The following PTPRD variants were observed in gnomAD, a reference collection of about 807,000 sequenced individuals.
PTPRD encodes protein tyrosine phosphatase receptor type D, also known as receptor-type tyrosine-protein phosphatase delta.
PTPRD carries 34 observed loss-of-function variants against 214.5 expected under a neutral mutation model. The observed-to-expected ratio is 0.16, with a 90% CI of 0.12 to 0.21. The LOEUF (loss-of-function observed/expected upper bound fraction) is 0.21. Ranked by LOEUF, PTPRD falls within the 10% of genes least tolerant of loss-of-function variation. PTPRD has a pLI of 1.00. For synonymous variants in PTPRD, 1,128 were observed against 845.7 expected (o/e 1.33, Z -5.79); for missense variants, 2,545 against 2,398.7 (o/e 1.06, Z -1.27).
At chr9:9,926,778 A>G (rs2084471696) in intron 5 of PTPRD, among the ~76,000 whole-genome samples, 1 of 152,198 alleles carries the variant, frequency 6.6e-6, no homozygotes, top group Non-Finnish European at 1.5e-5. Flanking sequence ...TCAAAGGTAT[A>G]GTTTACCCAT....
intron 9 of PTPRD, among the ~76,000 whole-genome samples, chr9:9,346,234 TAGAAA>T: frequency 6.6e-6 from 1 of 152,192 alleles, no homozygotes; most frequent in South Asian, 2.1e-4. Context: ...ACATTTATCA[TAGAAA>T]AAAGATTCTT....
At chr9:10,597,633 C>T (rs2076920359) in intron 2 of PTPRD, among the ~76,000 whole-genome samples, 1 of 151,738 alleles carries the variant, frequency 6.6e-6, no homozygotes, top group African/African-American at 2.4e-5. Context: ...ACTTCAACAG[C>T]AGGTTCTATA....
chr9:9,471,144 T>C (rs74580969), intron 8 of PTPRD, among the ~76,000 whole-genome samples: 1,843 of 152,324 alleles, frequency 0.012, 28 homozygotes, highest in African/African-American at 0.042. Flanking sequence ...CTTGGTCCTA[T>C]AGTTGCAAAA....
At chr9:8,425,129 A>C (rs538063171) in intron 35 of PTPRD, among the ~76,000 whole-genome samples, 8 of 152,308 alleles carry the variant, frequency 5.3e-5, no homozygotes, top group African/African-American at 1.7e-4. Flanking sequence ...CCATTTTATA[A>C]TTTTACAATT....
chr9:9,066,601 G>C (rs887616210), intron 10 of PTPRD, among the ~76,000 whole-genome samples: 1 of 152,106 alleles, frequency 6.6e-6, no homozygotes, highest in African/African-American at 2.4e-5. Flanking sequence ...GAACTTGAGA[G>C]GGGGGAGATT....
chr9:9,539,128 T>A (rs2077073141), intron 8 of PTPRD, among the ~76,000 whole-genome samples: 1 of 151,756 alleles, frequency 6.6e-6, no homozygotes, highest in South Asian at 2.1e-4. Context: ...ATAATAGCAA[T>A]GGGTAAAGAA....
intron 5 of PTPRD, among the ~76,000 whole-genome samples, chr9:9,897,547 A>G (rs957573647): frequency 6.6e-6 from 1 of 151,994 alleles, no homozygotes; most frequent in Non-Finnish European, 1.5e-5. Context: ...AATATCTGTA[A>G]CTTATTTTAA....
chr9:9,875,782 A>C (rs1379856286), intron 5 of PTPRD, among the ~76,000 whole-genome samples: 4 of 152,180 alleles, frequency 2.6e-5, no homozygotes, highest in Non-Finnish European at 5.9e-5. Context: ...ACAAAATAAC[A>C]ATCCACAACA....
At chr9:10,364,001 T>G (rs1466066535) in intron 2 of PTPRD, among the ~76,000 whole-genome samples, 4 of 123,308 alleles carry the variant, frequency 3.2e-5, no homozygotes, top group Non-Finnish European at 6.8e-5. Flanking sequence ...GTTTTTTTTT[T>G]TTTTTTTTTT....
chr9:8,746,703 T>C (rs2092851403), intron 11 of PTPRD, among the ~76,000 whole-genome samples: 2 of 152,250 alleles, frequency 1.3e-5, no homozygotes, highest in African/African-American at 2.4e-5. Flanking sequence ...CGATCAAACT[T>C]CTCTGCTGGG....
intron 11 of PTPRD, among the ~76,000 whole-genome samples, chr9:8,967,695 G>C (rs1240469570): frequency 6.6e-6 from 1 of 152,040 alleles, no homozygotes; most frequent in Non-Finnish European, 1.5e-5. Context: ...AATTCTTACT[G>C]AAATATACGT....
At position 9,371,648 on chromosome 9, in the gene PTPRD, C is replaced by T. The variant is rs1328670136; in HGVS notation, c.-203+25801G>A. 2.0e-5 allele frequency among the ~76,000 whole-genome samples: 3 copies of T among 152,254 alleles called. No homozygotes were observed. In the East Asian group the frequency reaches 5.8e-4, roughly 29 times the overall value. ...TCTGATCTTAGTTATTTCTTGCCTT[C>T]TGCTAGCTTTTGAATGTCTTTGCTC... On this transcript the variant is annotated intron_variant, in intron 9 of 45. Coordinates refer to ENST00000381196, the MANE Select transcript of PTPRD (RefSeq NM_002839.4).
intron 2 of PTPRD, among the ~76,000 whole-genome samples, chr9:10,566,572 C>G (rs2065683970): frequency 6.6e-6 from 1 of 151,858 alleles, no homozygotes; most frequent in Non-Finnish European, 1.5e-5. Context: ...GTTCTATGTT[C>G]TGTATATTAG....
chr9:10,298,251 G>C (rs555270392), intron 3 of PTPRD, among the ~76,000 whole-genome samples: 1 of 152,086 alleles, frequency 6.6e-6, no homozygotes, highest in East Asian at 1.9e-4. Context: ...CCCTAAAATA[G>C]AAATCAGGTT....
intron 43 of PTPRD, among the ~76,000 whole-genome samples, chr9:8,335,377 A>G (rs10453207): frequency 0.81 from 122,550 of 150,522 alleles, 49,773 homozygotes; most frequent in East Asian, 0.89. Context: ...CATACACAGA[A>G]CCAATGACAA....
chr9:9,903,593 A>G (rs2076900612), intron 5 of PTPRD, among the ~76,000 whole-genome samples: 1 of 152,150 alleles, frequency 6.6e-6, no homozygotes, highest in South Asian at 2.1e-4. Flanking sequence ...AGCTCTGTTA[A>G]TATTTACTGA....
chr9:10,575,113 G>C (rs114259718), intron 2 of PTPRD, among the ~76,000 whole-genome samples: 2 of 151,768 alleles, frequency 1.3e-5, no homozygotes, highest in Non-Finnish European at 1.5e-5. Flanking sequence ...GAAATCACTG[G>C]CTATTTTCAC....
chr9:9,917,650 C>A (rs1014559221), intron 5 of PTPRD, among the ~76,000 whole-genome samples: 5 of 151,844 alleles, frequency 3.3e-5, no homozygotes, highest in African/African-American at 4.8e-5. Flanking sequence ...AAACAGAAAA[C>A]TGCAAGCCAA....
At chr9:9,931,890 A>G (rs1295356267) in intron 5 of PTPRD, among the ~76,000 whole-genome samples, 3 of 151,080 alleles carry the variant, frequency 2.0e-5, no homozygotes, top group Non-Finnish European at 4.4e-5. Flanking sequence ...GAGAACGGGC[A>G]GACTGCCTCC....
Sources: gnomAD v4.1 joint callset for allele counts (sites outside exome capture counted in the v4.1 genomes callset) on GRCh38, gnomAD v4.1.1 for gene constraint, MANE v1.5 for transcripts, NCBI Gene and HGNC (gene_info 2026-07-23, HGNC 2026-07-21) for gene names.